The following TMCC1 variants were observed in gnomAD, a reference collection of about 807,000 sequenced individuals.
TMCC1 encodes the protein transmembrane and coiled-coil domain family 1, also known as transmembrane and coiled-coil domains protein 1.
TMCC1 carries 15 observed loss-of-function variants against 52.4 expected under a neutral mutation model. The ratio of observed to expected loss-of-function variants is 0.29; its 90% CI spans 0.19 to 0.44. The LOEUF is 0.44. TMCC1 is among the 20% of genes least tolerant of loss of function. TMCC1 has a pLI of 1.00. For synonymous variants in TMCC1, 279 were observed against 301.9 expected, an observed-to-expected ratio of 0.92 and a Z score of 0.79; for missense variants, 503 against 806.0, an observed-to-expected ratio of 0.62 and a Z score of 4.55.
chr3:129,828,676 G>A lies in TMCC1; in HGVS notation c.-130-168C>T, dbSNP rs2058764434. ...AGATTAAAAGACAGTTTTCTAGATA[G>A]TGGGTAATGATTATTTTTTAGAATG... On this transcript the variant is annotated intron_variant, in intron 3 of 6. Coordinates refer to ENST00000393238, the MANE Select transcript of TMCC1 (RefSeq NM_001017395.5). This position sits in a 1 kb window ranked among gnomAD's most constrained non-coding sequence, Gnocchi z 4.1. 6.6e-6 allele frequency among the ~76,000 whole-genome samples: 1 copy of A among 152,190 alleles called. No individual in the cohort carries two copies. The highest frequency in any genetic ancestry group is 2.1e-4 in the South Asian group (1 of 4,834).
At chr3:129,798,184 T>C (rs113014012) in intron 4 of TMCC1, among the ~76,000 whole-genome samples, 8,486 of 151,674 alleles carry the variant, frequency 0.056, 329 homozygotes, top group Middle Eastern at 0.15. Flanking sequence ...TTAGTAGACA[T>C]GGGGTTTCAC....
intron 4 of TMCC1, among the ~76,000 whole-genome samples, chr3:129,809,611 A>T (rs1473104566): frequency 6.6e-6 from 1 of 151,982 alleles, no homozygotes; most frequent in East Asian, 2.0e-4. Flanking sequence ...ACAGTAAATG[A>T]TAAGAGATAC....
intron 4 of TMCC1, among the ~76,000 whole-genome samples, chr3:129,776,069 ACTC>A (rs1453951133): frequency 2.0e-5 from 3 of 150,942 alleles, no homozygotes. Context: ...CTTCCCTTTT[ACTC>A]CTCCTCTCTC....
chr3:129,691,851 A>G (rs1018190952), intron 4 of TMCC1, among the ~76,000 whole-genome samples: 4 of 152,198 alleles, frequency 2.6e-5, no homozygotes, highest in Admixed American at 2.0e-4. Context: ...AATAAATTAG[A>G]TTATAATGTC....
chr3:129,778,679 G>GGT lies in TMCC1; in HGVS notation c.576+49123_576+49124insAC, dbSNP rs959870788. The stretch of plus-strand genomic sequence containing the variant: ...GGAAGGTGATTAGATCATGGTGGGG[G>GGT]GGGGGCAGTCTCCCCATGCTGTTCT... On this transcript the variant is annotated intron_variant, in intron 4 of 6. Coordinates refer to ENST00000393238, the MANE Select transcript of TMCC1 (RefSeq NM_001017395.5). Among the ~76,000 whole-genome samples, 29 of 150,692 alleles carry GGT rather than the reference G, an allele frequency of 1.9e-4. 1 individual carries two copies. Among genetic ancestry groups the GGT allele is most frequent in the Admixed American group, 7.9e-4 (12 of 15,144 alleles).
chr3:129,730,824 C>G (rs2050482482), intron 4 of TMCC1, among the ~76,000 whole-genome samples: 1 of 152,086 alleles, frequency 6.6e-6, no homozygotes, highest in Admixed American at 6.5e-5. Flanking sequence ...CCAGAATCAC[C>G]TAAGATGAAA....
At chr3:129,813,048 G>C (rs976961261) in intron 4 of TMCC1, among the ~76,000 whole-genome samples, 1 of 152,032 alleles carries the variant, frequency 6.6e-6, no homozygotes, top group African/African-American at 2.4e-5. Context: ...GCAGCAACAG[G>C]CTTATGAAAA....
chr3:129,680,644 T>G (rs889782263), intron 4 of TMCC1, among the ~76,000 whole-genome samples: 12 of 152,204 alleles, frequency 7.9e-5, no homozygotes, highest in African/African-American at 2.9e-4. Flanking sequence ...CTCACGCCTC[T>G]AATCCCAGCA....
intron 6 of TMCC1, among the ~76,000 whole-genome samples, chr3:129,653,673 T>C (rs2625943): frequency 0.99 from 150,029 of 152,244 alleles, 73,958 homozygotes; most frequent in East Asian, 1. Flanking sequence ...CTCCTGACCT[T>C]GTGATCCGCC....
chr3:129,824,499 A>G (rs2058569940), intron 4 of TMCC1, among the ~76,000 whole-genome samples: 1 of 152,222 alleles, frequency 6.6e-6, no homozygotes, highest in Non-Finnish European at 1.5e-5. Flanking sequence ...TGAGATCATT[A>G]AGGATAATCA....
chr3:129,744,152 C>A (rs1269421727), intron 4 of TMCC1, among the ~76,000 whole-genome samples: 1 of 152,120 alleles, frequency 6.6e-6, no homozygotes, highest in Non-Finnish European at 1.5e-5. Context: ...CTGAACCTTA[C>A]AATTTCACCT....
At chr3:129,889,564 T>C (rs929209244) in intron 1 of TMCC1, among the ~76,000 whole-genome samples, 22 of 152,314 alleles carry the variant, frequency 1.4e-4, no homozygotes, top group African/African-American at 5.3e-4. Context: ...CAGTGTAGGA[T>C]AGGCAGGAAC....
At chr3:129,826,455 C>A (rs1156318198) in intron 4 of TMCC1, among the ~76,000 whole-genome samples, 1 of 151,944 alleles carries the variant, frequency 6.6e-6, no homozygotes, top group East Asian at 1.9e-4. Context: ...CTGCAGTGAG[C>A]CACGATCACA....
intron 4 of TMCC1, among the ~76,000 whole-genome samples, chr3:129,676,019 A>T (rs545134919): frequency 1.2e-4 from 18 of 144,924 alleles, no homozygotes; most frequent in African/African-American, 4.9e-4. Flanking sequence ...CCTGGGCGAC[A>T]GAGCGAGACT....
intron 2 of TMCC1, among the ~76,000 whole-genome samples, chr3:129,837,245 C>T (rs2059200634): frequency 6.6e-6 from 1 of 152,028 alleles, no homozygotes; most frequent in Non-Finnish European, 1.5e-5. Context: ...TGAGGCTTAA[C>T]CAGAACATCA....
At chr3:129,684,683 C>T (rs1480988607) in intron 4 of TMCC1, among the ~76,000 whole-genome samples, 3 of 152,076 alleles carry the variant, frequency 2.0e-5, no homozygotes, top group Non-Finnish European at 4.4e-5. Context: ...TGATAAATTA[C>T]AAATAAAGTA....
intron 4 of TMCC1, among the ~76,000 whole-genome samples, chr3:129,774,336 A>T (rs2054850825): frequency 6.6e-6 from 1 of 152,208 alleles, no homozygotes; most frequent in South Asian, 2.1e-4. Context: ...CTTTCTAGAA[A>T]AGTATCAATA....
chr3:129,770,836 C>T (rs911438656), intron 4 of TMCC1, among the ~76,000 whole-genome samples: 2 of 152,006 alleles, frequency 1.3e-5, no homozygotes, highest in Admixed American at 6.6e-5. Context: ...AAATGCAATT[C>T]GTACAACTGA....
At chr3:129,700,713 G>C (rs1325748302) in intron 4 of TMCC1, among the ~76,000 whole-genome samples, 7 of 151,252 alleles carry the variant, frequency 4.6e-5, no homozygotes, top group Non-Finnish European at 1.0e-4. Flanking sequence ...CTGACCTCGT[G>C]ATCTGCCTGC....
Sources: allele counts gnomAD v4.1 joint callset (sites outside exome capture counted in the v4.1 genomes callset), GRCh38; gene constraint gnomAD v4.1.1; non-coding constraint Gnocchi (gnomAD v3.1); transcripts MANE v1.5; gene names NCBI Gene and HGNC (gene_info 2026-07-23, HGNC 2026-07-21).